NBEA: variants seen among roughly 807,000 people sequenced by gnomAD.
NBEA encodes the protein neurobeachin.
In NBEA, 44 loss-of-function variants were observed where a neutral mutation model predicts 343.4. The ratio of observed to expected loss-of-function variants is 0.13; its 90% CI spans 0.10 to 0.16. The LOEUF (loss-of-function observed/expected upper bound fraction) is 0.16, where lower values mean the gene tolerates loss of function less well. Among genes scored for constraint, NBEA ranks in the 10% least tolerant of loss-of-function variants. The probability of loss-of-function intolerance (pLI) is 1.00; values close to 1 mark genes in which losing one functional copy is unlikely to be tolerated. For missense variants in NBEA, 2,555 were observed against 3,631.3 expected, an observed-to-expected ratio of 0.70 and a Z score of 7.62; for synonymous variants, 1,175 against 1,238.7, an observed-to-expected ratio of 0.95 and a Z score of 1.08.
intron 41 of NBEA, among the ~76,000 whole-genome samples, chr13:35,501,091 C>G (rs1191557371): frequency 6.6e-6 from 1 of 152,084 alleles, no homozygotes; most frequent in Non-Finnish European, 1.5e-5. Context: ...AAAGATTTAT[C>G]TAAAATAACA....
At chr13:35,477,251 T>G (rs1317870638) in intron 41 of NBEA, 4 of 166,458 alleles carry the variant, frequency 2.4e-5, no homozygotes, top group Admixed American at 2.0e-4. Context: ...AAATGATTTT[T>G]TGAAACGTTA....
chr13:34,948,601 C>G (rs917834603), intron 1 of NBEA, among the ~76,000 whole-genome samples: 1 of 152,058 alleles, frequency 6.6e-6, no homozygotes, highest in African/African-American at 2.4e-5. Flanking sequence ...AAGGAATCCC[C>G]AGTAACATAG....
chr13:34,994,072 C>T (rs1205310324), intron 1 of NBEA, among the ~76,000 whole-genome samples: 1 of 151,404 alleles, frequency 6.6e-6, no homozygotes, highest in African/African-American at 2.4e-5. Flanking sequence ...ATGGTGGGTG[C>T]CTGAAATCCC....
At chr13:35,092,410 A>G (rs772961524) in intron 10 of NBEA, among the ~76,000 whole-genome samples, 31 of 152,002 alleles carry the variant, frequency 2.0e-4, no homozygotes, top group Non-Finnish European at 3.8e-4. Context: ...TTGCTATGCT[A>G]AAGATGCAAT....
At chr13:35,215,232 G>T (rs151129959) in intron 33 of NBEA, among the ~76,000 whole-genome samples, 201 of 151,584 alleles carry the variant, frequency 1.3e-3, no homozygotes, top group African/African-American at 4.8e-3. Flanking sequence ...TTTAATTTGA[G>T]GAGACTCTTC....
intron 13 of NBEA, among the ~76,000 whole-genome samples, chr13:35,115,244 C>A (rs1368544379): frequency 2.0e-5 from 3 of 152,026 alleles, no homozygotes; most frequent in African/African-American, 7.2e-5. Context: ...CTCATGCATA[C>A]ATATAGGTGT....
At chr13:34,975,716 A>C (rs577634804) in intron 1 of NBEA, among the ~76,000 whole-genome samples, 1 of 152,210 alleles carries the variant, frequency 6.6e-6, no homozygotes, top group East Asian at 1.9e-4. Flanking sequence ...ATCTACAAAG[A>C]ACTCAAATCA....
At chr13:35,287,610 T>A (rs1357652824) in intron 34 of NBEA, among the ~76,000 whole-genome samples, 1 of 152,112 alleles carries the variant, frequency 6.6e-6, no homozygotes, top group Non-Finnish European at 1.5e-5. Context: ...AAGCTATTGC[T>A]TTTTGTCCCC....
intron 1 of NBEA, among the ~76,000 whole-genome samples, chr13:34,974,285 A>G (rs1375966622): frequency 6.6e-6 from 1 of 152,034 alleles, no homozygotes; most frequent in African/African-American, 2.4e-5. Flanking sequence ...AGAGCCATGC[A>G]CCATTGCTGC....
At chr13:35,061,950 A>G (rs1298604952) in intron 8 of NBEA, among the ~76,000 whole-genome samples, 1 of 151,686 alleles carries the variant, frequency 6.6e-6, no homozygotes, top group Non-Finnish European at 1.5e-5. Flanking sequence ...TTCTGGCCAG[A>G]AAGTTTCTCT....
At chr13:35,402,430 C>A (rs888161486) in intron 38 of NBEA, among the ~76,000 whole-genome samples, 1 of 151,984 alleles carries the variant, frequency 6.6e-6, no homozygotes, top group Non-Finnish European at 1.5e-5. Flanking sequence ...GCTGAACTAG[C>A]AGTTCTTTTT....
chr13:35,108,604 A>T (rs1256708896), intron 11 of NBEA, among the ~76,000 whole-genome samples: 9 of 152,108 alleles, frequency 5.9e-5, no homozygotes, highest in African/African-American at 9.7e-5. Context: ...TTTCATACTT[A>T]TGACACATCT....
intron 34 of NBEA, among the ~76,000 whole-genome samples, chr13:35,233,061 A>C (rs961312608): frequency 6.6e-6 from 1 of 152,158 alleles, no homozygotes; most frequent in Non-Finnish European, 1.5e-5. Context: ...GAAATACTTA[A>C]CAAAGAATTG....
intron 47 of NBEA, among the ~76,000 whole-genome samples, chr13:35,602,767 C>T (rs2082110939): frequency 6.6e-6 from 1 of 152,152 alleles, no homozygotes; most frequent in South Asian, 2.1e-4. Context: ...CGACTTCTTT[C>T]TATGACTAGC....
At chr13:35,046,597 T>TA (rs2152561584) in intron 4 of NBEA, among the ~76,000 whole-genome samples, 1 of 152,286 alleles carries the variant, frequency 6.6e-6, no homozygotes, top group Admixed American at 6.5e-5. Context: ...TCTACATACA[T>TA]ACCTGTGATA....
chr13:35,186,922 A>T (rs1354741580), intron 30 of NBEA, among the ~76,000 whole-genome samples: 1 of 152,022 alleles, frequency 6.6e-6, no homozygotes, highest in Non-Finnish European at 1.5e-5. Context: ...ATATTTATTG[A>T]TATGTAATTT....
chr13:35,514,387 G>A (rs529832039), intron 41 of NBEA, among the ~76,000 whole-genome samples: 11 of 152,020 alleles, frequency 7.2e-5, no homozygotes, highest in Non-Finnish European at 7.4e-5. Context: ...GCTCTAATCC[G>A]GTATAATTAG....
chr13:35,149,702 C>T (rs1716596938), intron 18 of NBEA, among the ~76,000 whole-genome samples: 1 of 152,004 alleles, frequency 6.6e-6, no homozygotes, highest in African/African-American at 2.4e-5. Flanking sequence ...ATTGTTTTAC[C>T]TATGTGAATT....
intron 38 of NBEA, among the ~76,000 whole-genome samples, chr13:35,365,537 C>T (rs531669818): frequency 1.3e-5 from 2 of 151,682 alleles, no homozygotes; most frequent in South Asian, 4.1e-4. Flanking sequence ...CAAAAAGTAA[C>T]ATCTGGAATC....
Sources: gnomAD v4.1 joint callset for allele counts (sites outside exome capture counted in the v4.1 genomes callset) on GRCh38, gnomAD v4.1.1 for gene constraint, MANE v1.5 for transcripts, NCBI Gene and HGNC (gene_info 2026-07-23, HGNC 2026-07-21) for gene names.